Variants in POTEH observed in about 807,000 individuals in gnomAD.
The protein encoded by POTEH is POTE ankyrin domain family member H.
POTEH carries 6 observed loss-of-function variants against 41.7 expected under a neutral mutation model. The ratio of observed to expected loss-of-function variants is 0.14; its 90% CI spans 0.08 to 0.28. The LOEUF (loss-of-function observed/expected upper bound fraction) is 0.28. Ranked by LOEUF, POTEH falls within the 10% of genes least tolerant of loss-of-function variation. The pLI is 1.00. For missense variants in POTEH, 115 were observed against 533.5 expected (o/e 0.22, Z 7.73); for synonymous variants, 38 against 179.9 (o/e 0.21, Z 6.31).
At chr22:15,711,314 T>C (rs1274673214) in intron 9 of POTEH, among the ~76,000 whole-genome samples, 1 of 152,114 alleles carries the variant, frequency 6.6e-6, no homozygotes, top group Admixed American at 6.5e-5. Flanking sequence ...GTAAACTGTA[T>C]CATGGAGGTT....
At chr22:15,714,347 C>A (rs1163982560) in intron 9 of POTEH, among the ~76,000 whole-genome samples, 1 of 152,234 alleles carries the variant, frequency 6.6e-6, no homozygotes, top group Admixed American at 6.5e-5. Flanking sequence ...CCTGCCCCAG[C>A]CCTTCTGATT....
chr22:15,714,279 T>C (rs1343083619), intron 9 of POTEH, among the ~76,000 whole-genome samples: 2 of 152,216 alleles, frequency 1.3e-5, no homozygotes, highest in Non-Finnish European at 2.9e-5. Flanking sequence ...AACTTCCCCT[T>C]TCATCAATTC....
In POTEH at chr22:15,697,601, C is replaced by T. The variant is rs1242820562; in HGVS notation, c.922-1061C>T. The T allele has an allele frequency of 2.3e-5, 3 of 130,350 alleles. 1 individual carries two copies. Among genetic ancestry groups the T allele is most frequent in the South Asian group, 7.7e-5 (1 of 12,962 alleles). The allele number at this position is 130,350 out of a possible 1,614,324, so 8.1% of individuals were successfully genotyped here. The stretch of plus-strand genomic sequence containing the variant: ...TCCTGGGCTCAAGCAATTCATCCCC[C>T]TCAGCCTCCCAAAGTGCTAGGATTA... On this transcript the variant is annotated intron_variant, in intron 3 of 10. Coordinates refer to ENST00000343518, the MANE Select transcript of POTEH (RefSeq NM_001136213.1).
Position 15,690,261 on chromosome 22 carries a change from G to A in POTEH, c.184G>A (p.Gly62Ser). ...TATGAAGACACTCAGGAGCAAGATG[G>A]GCAAGTGGTGCTGCCACTGCTTCCC... ...SAMKTLRSKMGKWCCHCFPWC... is the reference protein window; with the variant it reads ...SAMKTLRSKMSKWCCHCFPWC... The change falls in exon 1 of 11, where the codon GGC becomes AGC. Residue 62 changes from glycine to serine, a missense_variant. By Grantham distance (56) the Gly-to-Ser change is moderately conservative (BLOSUM62 0). Transcript: ENST00000343518. 1 of 1,411,008 alleles carries A rather than the reference G, an allele frequency of 7.1e-7. No individual in the cohort carries two copies. 87.4% of individuals were successfully genotyped at this position (1,411,008 alleles called of 1,614,324 possible).
At chr22:15,691,690 T>A (rs1989315655) in intron 1 of POTEH, among the ~76,000 whole-genome samples, 1 of 146,042 alleles carries the variant, frequency 6.8e-6, no homozygotes, top group African/African-American at 2.5e-5. Flanking sequence ...TTTCCAGATG[T>A]CAAAATGTGC....
intron 9 of POTEH, among the ~76,000 whole-genome samples, chr22:15,713,404 G>A (rs1410023196): frequency 6.6e-6 from 1 of 152,302 alleles, no homozygotes; most frequent in Non-Finnish European, 1.5e-5. Flanking sequence ...TGCCTTTCTA[G>A]TCCATTCATC....
chr22:15,714,209 C>T (rs1485530805), intron 9 of POTEH, among the ~76,000 whole-genome samples: 1 of 151,148 alleles, frequency 6.6e-6, no homozygotes, highest in Non-Finnish European at 1.5e-5. Flanking sequence ...ATGTGAGCCA[C>T]CATCATCTGC....
chr22:15,711,683 AATAC>A (rs1300193374), intron 9 of POTEH, among the ~76,000 whole-genome samples: 2 of 151,614 alleles, frequency 1.3e-5, no homozygotes, highest in Non-Finnish European at 2.9e-5. Flanking sequence ...AAGGATGTAT[AATAC>A]ATGTAAAGGA....
chr22:15,703,930 T>C (rs1366018959), intron 6 of POTEH, among the ~76,000 whole-genome samples: 6 of 145,130 alleles, frequency 4.1e-5, no homozygotes, highest in African/African-American at 1.5e-4. Flanking sequence ...ATCAAATGTC[T>C]TTTAGATACT....
chr22:15,700,429 T>C (rs1989551249), intron 5 of POTEH: 1 of 169,266 alleles, frequency 5.9e-6, no homozygotes, highest in Non-Finnish European at 1.0e-5. Flanking sequence ...TCAGGACTTT[T>C]AAGACCTTTA....
At chr22:15,713,240 A>T (rs868614946) in intron 9 of POTEH, among the ~76,000 whole-genome samples, 253 of 151,698 alleles carry the variant, frequency 1.7e-3, no homozygotes, top group African/African-American at 5.9e-3. Context: ...TCTCAAGGTT[A>T]TCACTACTTT....
chr22:15,692,511 T>C (rs1989346017), intron 1 of POTEH, among the ~76,000 whole-genome samples: 1 of 138,196 alleles, frequency 7.2e-6, no homozygotes, highest in African/African-American at 2.6e-5. Flanking sequence ...ACCCCAGCAC[T>C]TTAGGAGGCT....
chr22:15,702,424 TTC>T (rs1216701287), intron 5 of POTEH, among the ~76,000 whole-genome samples: 1 of 113,718 alleles, frequency 8.8e-6, no homozygotes, highest in East Asian at 3.3e-4. Flanking sequence ...TTGGGACACT[TTC>T]TATTATGTCA....
chr22:15,708,969 G>A (rs533422261), intron 7 of POTEH, among the ~76,000 whole-genome samples: 460 of 150,588 alleles, frequency 3.1e-3, no homozygotes, highest in African/African-American at 0.011. Context: ...TCTGCCTTGT[G>A]GTCTCTCATT....
intron 9 of POTEH, among the ~76,000 whole-genome samples, chr22:15,714,745 AAAAG>A (rs1989898898): frequency 7.0e-6 from 1 of 143,528 alleles, no homozygotes; most frequent in Admixed American, 6.9e-5. Flanking sequence ...AAAATGAAGA[AAAAG>A]AAAAAGAGAT....
rs1354345557 is a variant in POTEH at position 15,717,229 on chromosome 22, C to T, written c.1521-2431C>T. 8.7e-5 allele frequency among the ~76,000 whole-genome samples: 8 copies of T among 91,550 alleles called. 4 individuals are homozygous for T. The highest frequency in any genetic ancestry group is 2.6e-4 in the Admixed American group (2 of 7,778). 60.1% of individuals were successfully genotyped at this position (91,550 alleles called of 152,430 possible). ...GACACTGGCTGATTCCATATCTTTG[C>T]ATATTGTGAATTGTGCTGCAGTAAA... On this transcript the variant is annotated intron_variant, in intron 9 of 10. Coordinates refer to ENST00000343518, the MANE Select transcript of POTEH (RefSeq NM_001136213.1).
Position 15,690,720 on chromosome 22 carries a change from C to G in POTEH, c.632+11C>G, listed in dbSNP as rs374247749. 290 of 1,403,604 alleles carry G rather than the reference C, an allele frequency of 2.1e-4. 55 individuals are homozygous for G. The African/African-American group carries it at 4.1e-3, about 20-fold the overall frequency. The allele number at this position is 1,403,604 out of a possible 1,614,324, so 86.9% of individuals were successfully genotyped here. A position where few individuals can be genotyped will look rare whatever the true frequency, so the allele number is the denominator to read the frequency against. On this transcript the variant is annotated intron_variant, in intron 1 of 10. Coordinates refer to ENST00000343518, the MANE Select transcript of POTEH (RefSeq NM_001136213.1). ...GGACAAGCAAAAGAGGTAACCAGGC[C>G]TGGGCTGGGAGGAGGTGGGATGTGG...
At position 15,690,774 on chromosome 22, in the gene POTEH, C is replaced by G. The variant is rs571375637; in HGVS notation, c.632+65C>G. ...GATGATGGGGACATACCCTCCTGGC[C>G]GGGGAGGAGGGGAGCCTGGTTTTCT... On this transcript the variant is annotated intron_variant, in intron 1 of 10. Coordinates refer to ENST00000343518, the MANE Select transcript of POTEH (RefSeq NM_001136213.1). 1.1e-4 allele frequency: 157 copies of G among 1,385,980 alleles called. 34 individuals carry two copies. Among genetic ancestry groups the G allele is most frequent in the African/African-American group, 4.9e-4 (32 of 64,828 alleles). The allele number at this position is 1,385,980 out of a possible 1,614,324, so 85.9% of individuals were successfully genotyped here.
At chr22:15,702,331 GT>G (rs1324894236) in intron 5 of POTEH, among the ~76,000 whole-genome samples, 1 of 126,194 alleles carries the variant, frequency 7.9e-6, no homozygotes, top group African/African-American at 3.0e-5. Context: ...TCCTCACTTT[GT>G]TGAAGAAGAC....
Sources: gnomAD v4.1 joint callset for allele counts (sites outside exome capture counted in the v4.1 genomes callset) on GRCh38, gnomAD v4.1.1 for gene constraint, MANE v1.5 for transcripts, NCBI Gene and HGNC (gene_info 2026-07-23, HGNC 2026-07-21) for gene names.